Variants in PRRX1 observed in about 807,000 individuals in gnomAD.
PRRX1 encodes the protein paired related homeobox 1.
A neutral mutation model predicts 24.0 loss-of-function variants in PRRX1; 8 were observed. The ratio of observed to expected loss-of-function variants is 0.33; its 90% CI spans 0.20 to 0.60. The LOEUF is 0.60. Ranked by LOEUF, PRRX1 falls within the 20% of genes least tolerant of loss-of-function variation. The probability of loss-of-function intolerance (pLI) is 0.82; values close to 1 mark genes in which losing one functional copy is unlikely to be tolerated. For synonymous variants in PRRX1, 160 were observed against 131.7 expected, an observed-to-expected ratio of 1.22 and a Z score of -1.47; for missense variants, 281 against 322.4, an observed-to-expected ratio of 0.87 and a Z score of 0.98.
In PRRX1 at chr1:170,664,257, G is replaced by C. The variant is rs1215045317; in HGVS notation, c.39G>C (p.Pro13=). ...ACGGGCACGTTCTGGAGCGGCAACCGGCGCTGGGCGGCCGCTTGGACAGCC... is the reference window on the plus strand; with the variant it reads ...ACGGGCACGTTCTGGAGCGGCAACCCGCGCTGGGCGGCCGCTTGGACAGCC... ...SSYGHVLERQ[P]ALGGRLDSPG... Residue 13 remains proline (P), a synonymous_variant, in exon 1 of 4, where the codon CCG becomes CCC. Transcript: ENST00000239461. 3.7e-6 allele frequency: 6 copies of C among 1,612,518 alleles called. No individual in the cohort carries two copies. The highest frequency in any genetic ancestry group is 5.1e-6 in the Non-Finnish European group (6 of 1,179,536).
Position 170,700,277 on chromosome 1 carries a change from G to A in PRRX1, c.242-19449G>A, listed in dbSNP as rs143387378. On this transcript the variant is annotated intron_variant, in intron 1 of 3. Transcript: ENST00000239461. ...GGTCTCAGGTGAAATGTTGGCAGGT[G>A]GAGGTGTTTCTAGCTAGTATAGAAC... 1.7e-4 allele frequency among the ~76,000 whole-genome samples: 26 copies of A among 152,264 alleles called. No homozygotes were observed. In the East Asian group the frequency reaches 5.0e-3, roughly 29 times the overall value.
At chr1:170,664,077 C>G (rs1238347018), upstream of PRRX1, 3 of 790,586 alleles carry the variant, frequency 3.8e-6, no homozygotes, top group African/African-American at 6.1e-5. Context: ...CTCCTTCCCT[C>G]CCTCTTCCTC....
rs1008502776 is a variant in PRRX1 at position 170,737,233 on chromosome 1, A to G, written c.*1047A>G. Reference sequence around the variant, plus strand: ...TCCCAAACAATACAAAAAGCAAATTACACACCCTCACCACTGTTCTTATCT... The same window carrying G: ...TCCCAAACAATACAAAAAGCAAATTGCACACCCTCACCACTGTTCTTATCT... On this transcript the variant is annotated 3_prime_UTR_variant, in exon 4 of 4. Coordinates refer to ENST00000239461, the MANE Select transcript of PRRX1 (RefSeq NM_022716.4). The G allele has an allele frequency of 5.6e-6, 1 of 178,056 alleles. No homozygotes were observed. The highest frequency in any genetic ancestry group is 1.2e-5 in the Non-Finnish European group (1 of 83,054). The allele number at this position is 178,056 out of a possible 1,614,324, so 11.0% of individuals were successfully genotyped here. A position where few individuals can be genotyped will look rare whatever the true frequency, so the allele number is the denominator to read the frequency against.
chr1:170,734,449 T>G (rs1655541996), intron 3 of PRRX1, among the ~76,000 whole-genome samples: 1 of 152,124 alleles, frequency 6.6e-6, no homozygotes, highest in Admixed American at 6.6e-5. Flanking sequence ...GAAACAGTGA[T>G]AGATACTAAA....
intron 3 of PRRX1, among the ~76,000 whole-genome samples, chr1:170,731,107 G>T (rs1290368729): frequency 6.6e-6 from 1 of 152,188 alleles, no homozygotes; most frequent in Non-Finnish European, 1.5e-5. Context: ...ATAGAAGTTA[G>T]TTATTTAAAT....
At chr1:170,711,619 AT>A (rs1259923701) in intron 1 of PRRX1, among the ~76,000 whole-genome samples, 2 of 152,204 alleles carry the variant, frequency 1.3e-5, no homozygotes, top group African/African-American at 4.8e-5. Context: ...AAAAGGTGAC[AT>A]ATGATGCTTG....
intron 1 of PRRX1, among the ~76,000 whole-genome samples, chr1:170,683,133 T>G (rs541233376): frequency 5.3e-5 from 8 of 152,344 alleles, no homozygotes; most frequent in Admixed American, 2.6e-4. Flanking sequence ...AGGGAGACAT[T>G]GAAACCGGAG....
Position 170,710,517 on chromosome 1 carries a change from T to C in PRRX1, c.242-9209T>C, listed in dbSNP as rs528412522. On this transcript the variant is annotated intron_variant, in intron 1 of 3. Transcript: ENST00000239461. ...TTACAATAAAATATAAGGAAATGTGTACAGCTAGTTGTCACAATTTGTATC... is the reference window on the plus strand; with the variant it reads ...TTACAATAAAATATAAGGAAATGTGCACAGCTAGTTGTCACAATTTGTATC... Among the ~76,000 whole-genome samples, 121 of 152,346 alleles carry C rather than the reference T, an allele frequency of 7.9e-4. 1 individual carries two copies. In the South Asian group the frequency reaches 0.024, roughly 30 times the overall value.
chr1:170,726,548 T>C, intron 3 of PRRX1, 147 bp downstream of exon 3: 2 of 991,864 alleles, frequency 2.0e-6, no homozygotes, highest in Non-Finnish European at 2.9e-6. Flanking sequence ...CCCCACATTT[T>C]CCCAGGAGAT....
intron 1 of PRRX1, among the ~76,000 whole-genome samples, chr1:170,672,085 C>G (rs925983757): frequency 5.0e-4 from 76 of 152,190 alleles, no homozygotes; most frequent in African/African-American, 1.7e-3. Flanking sequence ...AATAACTGCC[C>G]CAAATCTTGT....
intron 1 of PRRX1, among the ~76,000 whole-genome samples, chr1:170,666,733 C>T (rs1004602254): frequency 1.4e-4 from 22 of 152,122 alleles, no homozygotes; most frequent in African/African-American, 5.1e-4. Flanking sequence ...TGGTGGCCCT[C>T]AGATACTGCA....
At chr1:170,672,702 G>C (rs1056157568) in intron 1 of PRRX1, among the ~76,000 whole-genome samples, 12 of 152,206 alleles carry the variant, frequency 7.9e-5, no homozygotes, top group African/African-American at 2.9e-4. Context: ...AGTTCAATCA[G>C]CTTGAATATG....
At chr1:170,690,931 A>G (rs528157065) in intron 1 of PRRX1, among the ~76,000 whole-genome samples, 22 of 152,300 alleles carry the variant, frequency 1.4e-4, no homozygotes, top group African/African-American at 5.3e-4. Context: ...CTGGTCAGAC[A>G]TAGTCCATCA....
intron 1 of PRRX1, among the ~76,000 whole-genome samples, chr1:170,694,645 G>A (rs184210684): frequency 2.1e-3 from 314 of 152,166 alleles, no homozygotes; most frequent in African/African-American, 7.2e-3. Context: ...TTTTAAGAAA[G>A]CATATTTATG....
Position 170,719,990 on chromosome 1 carries a change from C to G in PRRX1, c.417+89C>G, listed in dbSNP as rs546994429. On this transcript the variant is annotated intron_variant, in intron 2 of 3. Transcript: ENST00000239461. ...CTGTTTAAAAACACAAATTATAGCC[C>G]AGCACAGTGGCTCATGCCTGCAATC... 67 of 1,506,854 alleles carry G rather than the reference C, an allele frequency of 4.4e-5. No homozygotes were observed. In the South Asian group the frequency reaches 7.3e-4, roughly 16 times the overall value. 93.3% of individuals were successfully genotyped at this position (1,506,854 alleles called of 1,614,324 possible).
intron 1 of PRRX1, among the ~76,000 whole-genome samples, chr1:170,673,979 A>AT (rs1346508927): frequency 6.6e-6 from 1 of 152,222 alleles, no homozygotes; most frequent in Non-Finnish European, 1.5e-5. Context: ...GATATAATAG[A>AT]TCCCTAAAGA....
In PRRX1 at chr1:170,664,178, G is replaced by C. The variant is rs759073683; in HGVS notation, c.-41G>C. 18 of 1,584,650 alleles carry C rather than the reference G, an allele frequency of 1.1e-5. No homozygotes were observed. The highest frequency in any genetic ancestry group is 1.7e-4 in the Middle Eastern group (1 of 5,806). ...CGCCCACAGCGTTTGGTGTTGATTC[G>C]AGCGGGAAGAGGGGGGTGGGTGGGA... On this transcript the variant is annotated 5_prime_UTR_variant, in exon 1 of 4. Coordinates refer to ENST00000239461, the MANE Select transcript of PRRX1 (RefSeq NM_022716.4).
chr1:170,723,575 TATG>T (rs1655160300), intron 2 of PRRX1, among the ~76,000 whole-genome samples: 2 of 152,358 alleles, frequency 1.3e-5, no homozygotes, highest in Admixed American at 1.3e-4. Flanking sequence ...AGAAGAGTTG[TATG>T]ATCATGAATT....
intron 1 of PRRX1, among the ~76,000 whole-genome samples, chr1:170,691,606 T>C (rs1020204292): frequency 2.6e-5 from 4 of 151,700 alleles, no homozygotes; most frequent in African/African-American, 9.7e-5. Context: ...TTAATATTTT[T>C]GTTTTTATTT....
Sources: gnomAD v4.1 joint callset for allele counts (sites outside exome capture counted in the v4.1 genomes callset) on GRCh38, gnomAD v4.1.1 for gene constraint, MANE v1.5 for transcripts, NCBI Gene and HGNC (gene_info 2026-07-23, HGNC 2026-07-21) for gene names.